Variants in GNRH2 observed in about 807,000 individuals in gnomAD.
The protein encoded by GNRH2 is progonadoliberin-2.
GNRH2 carries 15 observed loss-of-function variants against 12.1 expected under a neutral mutation model. The observed-to-expected ratio is 1.24, with a 90% CI of 0.83 to 1.90. GNRH2 has a LOEUF of 1.90. Among genes scored for constraint, GNRH2 ranks in the 40% most tolerant of loss-of-function variants. The pLI, the probability that GNRH2 is intolerant of heterozygous loss-of-function variation, is 0.00. For synonymous variants in GNRH2, 60 were observed against 62.0 expected (o/e 0.97, Z 0.15); for missense variants, 143 against 141.4 (o/e 1.01, Z -0.06).
rs761330000 is a variant in GNRH2, at chr20:3,044,811, A to G, written c.266A>G (p.Lys89Arg). 1.2e-6 allele frequency: 2 copies of G among 1,611,220 alleles called. No homozygotes were observed. The highest frequency in any genetic ancestry group is 1.1e-5 in the South Asian group (1 of 90,968). ...RTTAQWSLHR[K>R]RHLARTLLTA... The stretch of plus-strand genomic sequence containing the variant: ...ACGGCCCAGTGGTCCCTTCACAGGA[A>G]GCGACACCTGGCACGGACACTGCTG... Residue 89 changes from lysine (K) to arginine (R), a missense_variant, in exon 3 of 4, where the codon AAG becomes AGG. Lys to Arg is a conservative substitution (Grantham distance 26). Coordinates refer to ENST00000359100, the MANE Select transcript of GNRH2 (RefSeq NM_178331.2).
Position 3,045,700 on chromosome 20 carries a change from G to GCCCCCCCC in GNRH2, c.310_311insCCCCCCCC (p.Arg104ProfsTer?). On this transcript the variant is annotated frameshift_variant, in exon 4 of 4. Coordinates refer to ENST00000359100, the MANE Select transcript of GNRH2 (RefSeq NM_178331.2). LOFTEE classifies it low-confidence loss of function (END_TRUNC). ...TCCCTCCGCAGACCGCAGCCCGAGAGCCCCGCCCCGCCCCGCCATCCTCCA... is the reference window on the plus strand; with the variant it reads ...TCCCTCCGCAGACCGCAGCCCGAGAGCCCCCCCCCCCCGCCCCGCCCCGCCATCCTCCA... 1 of 1,541,790 alleles carries GCCCCCCCC rather than the reference G, an allele frequency of 6.5e-7. No individual in the cohort carries two copies. Among genetic ancestry groups the GCCCCCCCC allele is most frequent in the Non-Finnish European group, 8.8e-7 (1 of 1,136,744 alleles).
At chr20:3,044,943 G>A in intron 3 of GNRH2, 107 bp downstream of exon 3, 2 of 854,746 alleles carry the variant, frequency 2.3e-6, no homozygotes, top group Non-Finnish European at 1.8e-6. Flanking sequence ...AAACACCACT[G>A]AGATGCCCCC....
At chr20:3,044,644 C>G in intron 2 of GNRH2, 56 bp from the exon 3 acceptor site, 1 of 1,606,872 alleles carries the variant, frequency 6.2e-7, no homozygotes. Flanking sequence ...AGCCTGAGGT[C>G]GGGGTAGGGA....
At chr20:3,045,592 G>T (rs6138994) in intron 3 of GNRH2, 94 bp from the exon 4 acceptor site, 181,686 of 1,050,352 alleles carry the variant, frequency 0.17, 17,858 homozygotes, top group East Asian at 0.32. Context: ...CATGGGGACT[G>T]GGGGGGACGA....
At position 3,045,688 on chromosome 20, in the gene GNRH2, C is replaced by T. The variant is rs923060898; in HGVS notation, c.294C>T (p.Thr98=). Residue 98 remains threonine (T), a splice_region_variant and synonymous_variant, in exon 4 of 4, where the codon ACC becomes ACT. Transcript: ENST00000359100. ...GACCGCCACCTCTCCCTCCGCAGAC[C>T]GCAGCCCGAGAGCCCCGCCCCGCCC... ...RKRHLARTLL[T]AAREPRPAPP... 2 of 1,610,052 alleles carry T rather than the reference C, an allele frequency of 1.2e-6. No individual in the cohort carries two copies. The highest frequency in any genetic ancestry group is 8.5e-7 in the Non-Finnish European group (1 of 1,177,734).
chr20:3,044,498 T>C lies in GNRH2; in HGVS notation c.84T>C (p.His28=). The change falls in exon 2 of 4, where the codon CAT becomes CAC. Residue 28 remains histidine (H), a synonymous_variant. Coordinates refer to ENST00000359100, the MANE Select transcript of GNRH2 (RefSeq NM_178331.2). ...CCTCAGAGGCTCAGCACTGGTCCCA[T>C]GGCTGGTACCCTGGAGGAAAGCGAG... ...LGPSEAQHWS[H]GWYPGGKRAL... 1.9e-6 allele frequency: 3 copies of C among 1,613,636 alleles called. No individual in the cohort carries two copies. The highest frequency in any genetic ancestry group is 1.1e-5 in the South Asian group (1 of 91,080).
In GNRH2 at chr20:3,044,759, G is replaced by A. The variant is rs202126802; in HGVS notation, c.214G>A (p.Asp72Asn). ...LPSDALAPLD[D>N]SMPWEGRTTA... ...AAGTGATGCCCTGGCTCCCCTGGAC[G>A]ACAGCATGCCCTGGGAGGGCAGGAC... The change falls in exon 3 of 4, where the codon GAC (aspartate) becomes AAC (asparagine). Residue 72 changes from aspartate to asparagine, a missense_variant. Asp to Asn is a conservative substitution (Grantham distance 23). Coordinates refer to ENST00000359100, the MANE Select transcript of GNRH2 (RefSeq NM_178331.2). 991 of 1,611,962 alleles carry A rather than the reference G, an allele frequency of 6.1e-4. 2 individuals carry two copies. The highest frequency in any genetic ancestry group is 1.3e-3 in the South Asian group (118 of 90,990).
rs1477704986 is a variant in GNRH2 at position 3,044,539 on chromosome 20, A to G, written c.125A>G (p.Gln42Arg). The change falls in exon 2 of 4, where the codon CAG becomes CGG. Residue 42 changes from glutamine (Q) to arginine (R), a missense_variant. By Grantham distance (43) the Gln-to-Arg change is conservative. Transcript: ENST00000359100. ...GGAAAGCGAGCCCTCAGCTCAGCCC[A>G]GGATCCCCAGAATGCCCTTAGGCCC... Reference protein sequence around the residue: ...PGGKRALSSAQDPQNALRPPA... With the variant: ...PGGKRALSSARDPQNALRPPA... 6.2e-7 allele frequency: 1 copy of G among 1,613,726 alleles called. No homozygotes were observed. The highest frequency in any genetic ancestry group is 8.5e-7 in the Non-Finnish European group (1 of 1,180,000).
chr20:3,044,632 G>A (rs1346643648), intron 2 of GNRH2, 64 bp downstream of exon 2: 1 of 1,608,410 alleles, frequency 6.2e-7, no homozygotes, highest in East Asian at 2.2e-5. Context: ...CCACCCTCCT[G>A]GAGCCTGAGG....
At chr20:3,044,039 C>T (rs1478819002) in intron 1 of GNRH2, 1 of 232,142 alleles carries the variant, frequency 4.3e-6, no homozygotes, top group African/African-American at 2.2e-5. Context: ...CATCTATCCT[C>T]CCATCCATTG....
rs1015458592 is a variant in GNRH2 at position 3,043,993 on chromosome 20, C to G, written c.-8+328C>G. ...ACTCTGGTTCCCTAGCACTGGTGCT[C>G]CAAACACGCCTACATTGAGAACTCC... On this transcript the variant is annotated intron_variant, in intron 1 of 3. Coordinates refer to ENST00000359100, the MANE Select transcript of GNRH2 (RefSeq NM_178331.2). 2.7e-5 allele frequency: 5 copies of G among 183,192 alleles called. No individual in the cohort carries two copies. The South Asian group carries it at 6.6e-4, about 24-fold the overall frequency. The allele number at this position is 183,192 out of a possible 1,614,324, so 11.3% of individuals were successfully genotyped here.
In GNRH2 at chr20:3,044,690, G is replaced by A. The variant is rs1158260038; in HGVS notation, c.155-10G>A. On this transcript the variant is annotated splice_polypyrimidine_tract_variant and intron_variant, in intron 2 of 3. Coordinates refer to ENST00000359100, the MANE Select transcript of GNRH2 (RefSeq NM_178331.2). ...AGTTCCCTTCTAAGGAAGGGCCCTGGACACTGCAGCAGGCAGCCCAGTCCA... is the reference window on the plus strand; with the variant it reads ...AGTTCCCTTCTAAGGAAGGGCCCTGAACACTGCAGCAGGCAGCCCAGTCCA... The A allele has an allele frequency of 4.4e-6, 7 of 1,609,086 alleles. No homozygotes were observed. The highest frequency in any genetic ancestry group is 2.2e-5 in the East Asian group (1 of 44,714).
At chr20:3,044,962 C>A in intron 3 of GNRH2, 126 bp downstream of exon 3, 1 of 706,852 alleles carries the variant, frequency 1.4e-6, no homozygotes, top group Non-Finnish European at 2.4e-6. Context: ...CCTGCCACAG[C>A]ACCCCCAGCC....
chr20:3,044,867 G>T, intron 3 of GNRH2, 31 bp downstream of exon 3: 2 of 1,571,094 alleles, frequency 1.3e-6, no homozygotes, highest in South Asian at 2.3e-5. Flanking sequence ...CCAGCATCAA[G>T]ACCAGCCACT....
At chr20:3,045,579 C>A (rs1481317701) in intron 3 of GNRH2, 107 bp from the exon 4 acceptor site, 13 of 920,288 alleles carry the variant, frequency 1.4e-5, no homozygotes, top group Non-Finnish European at 2.2e-5. Context: ...CTGTGGGAGG[C>A]CACATGGGGA....
intron 3 of GNRH2, among the ~76,000 whole-genome samples, chr20:3,045,121 G>A (rs1255302710): frequency 6.6e-6 from 1 of 152,192 alleles, no homozygotes; most frequent in Non-Finnish European, 1.5e-5. Context: ...ATAAGACAGT[G>A]GTGGCCATGG....
chr20:3,044,364 G>C (rs376975846), intron 1 of GNRH2, 44 bp from the exon 2 acceptor site: 24 of 1,548,476 alleles, frequency 1.5e-5, no homozygotes, highest in African/African-American at 4.1e-5. Flanking sequence ...AGGGGGATGT[G>C]GGGGTGAGGT....
chr20:3,045,017 T>C (rs1218017721), intron 3 of GNRH2, among the ~76,000 whole-genome samples, 181 bp downstream of exon 3: 1 of 152,198 alleles, frequency 6.6e-6, no homozygotes, highest in South Asian at 2.1e-4. Context: ...CTGTCTGCTA[T>C]CCTTCCTATT....
At chr20:3,045,359 C>T (rs1213424581) in intron 3 of GNRH2, among the ~76,000 whole-genome samples, 3 of 152,196 alleles carry the variant, frequency 2.0e-5, no homozygotes, top group African/African-American at 7.2e-5. Flanking sequence ...GCAAATCAAA[C>T]ATTTACAGTG....
Sources: gnomAD v4.1 joint callset for allele counts (sites outside exome capture counted in the v4.1 genomes callset) on GRCh38, gnomAD v4.1.1 for gene constraint, MANE v1.5 for transcripts, NCBI Gene and HGNC (gene_info 2026-07-23, HGNC 2026-07-21) for gene names.